RP1: variants seen among roughly 807,000 people sequenced by gnomAD.
The protein encoded by RP1 is oxygen-regulated protein 1.
Under a neutral mutation model 14.8 loss-of-function variants are expected in RP1, and 16 were observed. The ratio of observed to expected loss-of-function variants is 1.08; its 90% CI spans 0.73 to 1.65. The LOEUF (loss-of-function observed/expected upper bound fraction) is 1.65. Among genes scored for constraint, RP1 ranks in the 40% most tolerant of loss-of-function variants. The pLI, the probability that RP1 is intolerant of heterozygous loss-of-function variation, is 0.00. For missense variants in RP1, 2,631 were observed against 2,535.0 expected (o/e 1.04, Z -0.81); for synonymous variants, 876 against 883.6 (o/e 0.99, Z 0.15).
intron 6 of RP1, among the ~76,000 whole-genome samples, chr8:54,661,357 T>C (rs1207690478): frequency 6.7e-6 from 1 of 148,970 alleles, no homozygotes; most frequent in African/African-American, 2.5e-5. Context: ...CACATGCCTG[T>C]AGTCCCAGCT....
intron 5 of RP1, among the ~76,000 whole-genome samples, chr8:54,655,574 C>T (rs1806738850): frequency 6.6e-6 from 1 of 151,964 alleles, no homozygotes; most frequent in African/African-American, 2.4e-5. Context: ...CACTTTAAAC[C>T]AAAAGTTAAT....
intron 13 of RP1, chr8:54,699,596 A>C: frequency 9.2e-7 from 1 of 1,088,782 alleles, no homozygotes; most frequent in Non-Finnish European, 1.2e-6. Flanking sequence ...TCTTTTTGCC[A>C]TATATCAATA....
intron 19 of RP1, among the ~76,000 whole-genome samples, chr8:54,739,548 G>T (rs1809019127): frequency 6.6e-6 from 1 of 151,986 alleles, no homozygotes; most frequent in South Asian, 2.1e-4. Flanking sequence ...TCTGTTCATA[G>T]AAATCTGAAG....
At chr8:54,709,935 C>G (rs1808256218) in intron 15 of RP1, among the ~76,000 whole-genome samples, 1 of 152,122 alleles carries the variant, frequency 6.6e-6, no homozygotes, top group Non-Finnish European at 1.5e-5. Context: ...TGGAGTGCAA[C>G]CTTCAGGACA....
chr8:54,706,676 C>A, intron 15 of RP1: 1 of 1,534,674 alleles, frequency 6.5e-7, no homozygotes, highest in South Asian at 1.2e-5. Context: ...GCTCTTGTTT[C>A]TCTCAGCAAA....
intron 1 of RP1, among the ~76,000 whole-genome samples, chr8:54,585,176 T>C (rs1467107841): frequency 6.6e-6 from 1 of 152,232 alleles, no homozygotes; most frequent in Non-Finnish European, 1.5e-5. Context: ...TCAGGAGCTC[T>C]TTTAGGGCAG....
At chr8:54,660,818 T>C (rs912536042) in intron 6 of RP1, among the ~76,000 whole-genome samples, 2 of 152,170 alleles carry the variant, frequency 1.3e-5, no homozygotes. Flanking sequence ...AATATGTCAA[T>C]TAAGAAAATT....
intron 24 of RP1, among the ~76,000 whole-genome samples, chr8:54,790,317 C>T (rs1202019984): frequency 6.6e-6 from 1 of 152,170 alleles, no homozygotes; most frequent in Non-Finnish European, 1.5e-5. Context: ...TCTAAAACTC[C>T]AGGCTGGGCT....
intron 24 of RP1, among the ~76,000 whole-genome samples, chr8:54,797,069 T>TA (rs1168135869): frequency 6.6e-6 from 1 of 152,144 alleles, no homozygotes; most frequent in Non-Finnish European, 1.5e-5. Context: ...CACAACAGTG[T>TA]AAAGAGTAGA....
chr8:54,704,648 G>A (rs1808106138), intron 14 of RP1, among the ~76,000 whole-genome samples: 2 of 152,186 alleles, frequency 1.3e-5, no homozygotes. Context: ...TATCTGTGAA[G>A]CAAATAAAGT....
chr8:54,849,613 TTAAC>T (rs1812011632), intron 25 of RP1, among the ~76,000 whole-genome samples: 1 of 152,196 alleles, frequency 6.6e-6, no homozygotes, highest in Admixed American at 6.5e-5. Context: ...TAAATCATCA[TTAAC>T]AAACACTTAG....
intron 14 of RP1, among the ~76,000 whole-genome samples, chr8:54,705,944 A>C (rs1273077435): frequency 2.6e-5 from 4 of 151,864 alleles, no homozygotes; most frequent in Non-Finnish European, 5.9e-5. Context: ...TGTATTTCTA[A>C]TTAACTCTCA....
intron 24 of RP1, among the ~76,000 whole-genome samples, chr8:54,788,797 A>G (rs1463741978): frequency 1.3e-5 from 2 of 152,214 alleles, no homozygotes; most frequent in African/African-American, 4.8e-5. Flanking sequence ...ATAGAATAGA[A>G]TTTGCTTAGC....
chr8:54,561,788 T>C (rs562160931), intron 1 of RP1: 5 of 152,368 alleles, frequency 3.3e-5, no homozygotes, highest in African/African-American at 1.2e-4. Context: ...ATTCTATGGA[T>C]AGACTGCTTT....
chr8:54,850,949 G>T lies in RP1; in HGVS notation c.3836-1625G>T, dbSNP rs536557336. On this transcript the variant is annotated intron_variant, in intron 25 of 28. Coordinates refer to the RP1 transcript ENST00000637698. ...TAAACTATGTAACTCTTTTTGACTC[G>T]GTTTGAGAATAAAAGTTAGTGCTCA... Among the ~76,000 whole-genome samples, 31 of 152,126 alleles carry T rather than the reference G, an allele frequency of 2.0e-4. No individual in the cohort carries two copies. In the South Asian group the frequency reaches 6.2e-3, roughly 31 times the overall value.
chr8:54,741,707 G>GTATGTATATA (rs1554528863), intron 19 of RP1, among the ~76,000 whole-genome samples: 1 of 58,034 alleles, frequency 1.7e-5, no homozygotes, highest in Admixed American at 1.9e-4. Flanking sequence ...AAATGTGTGT[G>GTATGTATATA]TATATATATA....
chr8:54,627,082 C>T lies in RP1; in HGVS notation c.3200C>T (p.Ala1067Val), dbSNP rs377706951. ...GCTAGAAAAAGGCAAAGTGTAGAGG[C>T]TGCCATTCAAGTAGATCCTATAGAA... The part of the protein sequence containing the change: ...NLARKRQSVE[A>V]AIQVDPIEEE... Residue 1067 changes from alanine to valine, a missense_variant, in exon 4 of 4, where the codon GCT (alanine) becomes GTT (valine). Physicochemically the swap from Ala to Val is moderately conservative, Grantham distance 64. Transcript: ENST00000220676. 2.3e-5 allele frequency: 37 copies of T among 1,613,906 alleles called. No individual in the cohort carries two copies. Among genetic ancestry groups the T allele is most frequent in the Non-Finnish European group, 3.1e-5 (36 of 1,179,996 alleles).
Position 54,629,106 on chromosome 8 carries a change from G to A in RP1, c.5224G>A (p.Asp1742Asn). 4 of 1,614,088 alleles carry A rather than the reference G, an allele frequency of 2.5e-6. No individual in the cohort carries two copies. The highest frequency in any genetic ancestry group is 3.4e-6 in the Non-Finnish European group (4 of 1,179,968). The change falls in exon 4 of 4, where the codon GAC (aspartate) becomes AAC (asparagine). Residue 1742 changes from aspartate to asparagine, a missense_variant. By Grantham distance (23) the Asp-to-Asn change is conservative. Transcript: ENST00000220676. ...AGACATAGAGGAAGGAGTACTGATT[G>A]ACAAAGGCAAATGGCTTCTGAAAGA... ...LTDIEEGVLI[D>N]KGKWLLKENH...
At chr8:54,631,845 A>C (rs1202891669), downstream of RP1, among the ~76,000 whole-genome samples, 1 of 146,064 alleles carries the variant, frequency 6.8e-6, no homozygotes, top group Admixed American at 6.8e-5. Flanking sequence ...AAGGGATAAG[A>C]TTTTTTTTTT....
Sources: gnomAD v4.1 joint callset for allele counts (sites outside exome capture counted in the v4.1 genomes callset) on GRCh38, gnomAD v4.1.1 for gene constraint, MANE v1.5 for transcripts, NCBI Gene and HGNC (gene_info 2026-07-23, HGNC 2026-07-21) for gene names.